LAMA3: variants seen among roughly 807,000 people sequenced by gnomAD.
The protein encoded by LAMA3 is laminin subunit alpha-3.
LAMA3 carries 281 observed loss-of-function variants against 402.0 expected under a neutral mutation model. The ratio of observed to expected loss-of-function variants is 0.70; its 90% CI spans 0.63 to 0.77. The LOEUF (loss-of-function observed/expected upper bound fraction) is 0.77, where lower values mean the gene tolerates loss of function less well. Among genes scored for constraint, LAMA3 ranks in the 30% least tolerant of loss-of-function variants. LAMA3 has a pLI of 0.00. For missense variants in LAMA3, 3,840 were observed against 4,215.5 expected (o/e 0.91, Z 2.47); for synonymous variants, 1,431 against 1,558.4 (o/e 0.92, Z 1.93).
At chr18:23,693,393 T>C (rs1402893748) in intron 1 of LAMA3, among the ~76,000 whole-genome samples, 1 of 152,242 alleles carries the variant, frequency 6.6e-6, no homozygotes, top group African/African-American at 2.4e-5. Flanking sequence ...TTACCTATAC[T>C]GTTGTTCTTT....
intron 2 of LAMA3, among the ~76,000 whole-genome samples, chr18:23,745,141 G>T (rs1381334864): frequency 6.6e-6 from 1 of 151,932 alleles, no homozygotes; most frequent in Non-Finnish European, 1.5e-5. Flanking sequence ...AAAGTATTAT[G>T]ATGTCTGTAA....
intron 2 of LAMA3, among the ~76,000 whole-genome samples, chr18:23,743,722 C>T (rs2061601641): frequency 6.6e-6 from 1 of 152,216 alleles, no homozygotes; most frequent in African/African-American, 2.4e-5. Context: ...CTTTGTTTCT[C>T]TACCTAAACA....
At chr18:23,944,962 A>G (rs765511487) in intron 69 of LAMA3, among the ~76,000 whole-genome samples, 9 of 152,202 alleles carry the variant, frequency 5.9e-5, no homozygotes, top group East Asian at 1.9e-4. Flanking sequence ...GTGAAACCCC[A>G]TCTTTACTAA....
At chr18:23,912,129 G>T in intron 55 of LAMA3, among the ~76,000 whole-genome samples, 1 of 121,000 alleles carries the variant, frequency 8.3e-6, no homozygotes. Context: ...AAAACATATA[G>T]ATATATATAG....
chr18:23,766,504 A>G (rs1279335769), intron 8 of LAMA3, among the ~76,000 whole-genome samples: 1 of 152,172 alleles, frequency 6.6e-6, no homozygotes, highest in Non-Finnish European at 1.5e-5. Context: ...AGAAATGAAG[A>G]GTATGGTATG....
chr18:23,773,544 C>A lies in LAMA3; in HGVS notation c.1230C>A (p.Tyr410Ter). The A allele has an allele frequency of 6.3e-7, 1 of 1,598,716 alleles. No homozygotes were observed. Among genetic ancestry groups the A allele is most frequent in the African/African-American group, 1.3e-5 (1 of 74,818 alleles). ...VNCEQCAKGY[Y>*]RPYGVPVDAP... ...GTGAACAGTGTGCTAAGGGCTATTACCGCCCTTATGGGGTTCCAGTGGATG... is the reference window on the plus strand; with the variant it reads ...GTGAACAGTGTGCTAAGGGCTATTAACGCCCTTATGGGGTTCCAGTGGATG... Residue 410 changes from tyrosine (Y) to a stop codon, truncating the protein, a stop_gained, in exon 9 of 75, where the codon TAC becomes TAA. Coordinates refer to ENST00000313654, the MANE Select transcript of LAMA3 (RefSeq NM_198129.4). LOFTEE classifies it high-confidence loss of function.
chr18:23,867,102 T>C (rs1030246769), intron 36 of LAMA3, among the ~76,000 whole-genome samples: 63 of 152,092 alleles, frequency 4.1e-4, no homozygotes, highest in Non-Finnish European at 2.1e-4. Context: ...AATTTTTCGC[T>C]CCACATGCCA....
Position 23,824,854 on chromosome 18 carries a change from C to T in LAMA3, c.2571+289C>T, listed in dbSNP as rs142630065. Reference sequence around the variant, plus strand: ...AGACTCTTAATTATCAGAACAAATGCGAAGCCTTCATGAGTATGTGGCTTC... The same window carrying T: ...AGACTCTTAATTATCAGAACAAATGTGAAGCCTTCATGAGTATGTGGCTTC... On this transcript the variant is annotated intron_variant, in intron 21 of 74. Transcript: ENST00000313654. Among the ~76,000 whole-genome samples, 327 of 152,274 alleles carry T rather than the reference C, an allele frequency of 2.1e-3. 4 individuals carry two copies. The highest frequency in any genetic ancestry group is 0.02 in the East Asian group (102 of 5,190).
rs868259178 is a variant in LAMA3, at chr18:23,813,558, T to C, written c.1788+455T>C. Among the ~76,000 whole-genome samples, 307 of 145,538 alleles carry C rather than the reference T, an allele frequency of 2.1e-3. 1 individual carries two copies. The highest frequency in any genetic ancestry group is 7.2e-3 in the African/African-American group (284 of 39,548). On this transcript the variant is annotated intron_variant, in intron 14 of 74. Transcript: ENST00000313654. ...CTTTTTCTTTTCTTTTCTTTCTTTT[T>C]TTTTTTTTTTTTTTTGCTCTTGTCG... is the stretch of plus-strand genomic sequence containing the variant.
Position 23,950,025 on chromosome 18 carries a change from A to T in LAMA3, c.9512-4A>T, listed in dbSNP as rs759302551. Reference sequence around the variant, plus strand: ...TAACTTTTGCTTTGTTTCTCTTTTGAAAGCTCACTCTGTATTGTTGGGGCC... The same window carrying T: ...TAACTTTTGCTTTGTTTCTCTTTTGTAAGCTCACTCTGTATTGTTGGGGCC... On this transcript the variant is annotated splice_region_variant and splice_polypyrimidine_tract_variant and intron_variant, in intron 71 of 74. Coordinates refer to ENST00000313654, the MANE Select transcript of LAMA3 (RefSeq NM_198129.4). 13 of 1,614,082 alleles carry T rather than the reference A, an allele frequency of 8.1e-6. No individual in the cohort carries two copies. In the African/African-American group the frequency reaches 1.3e-4, roughly 17 times the overall value.
At position 23,750,903 on chromosome 18, in the gene LAMA3, G is replaced by A. The variant is rs2061738436; in HGVS notation, c.685-15G>A. On this transcript the variant is annotated splice_polypyrimidine_tract_variant and intron_variant, in intron 4 of 74. Transcript: ENST00000313654. Reference sequence around the variant, plus strand: ...AGGAACTTTTTCCCCCTTTATGTGTGTGTGGTCATTTTAGGTTGTGGTGTC... The same window carrying A: ...AGGAACTTTTTCCCCCTTTATGTGTATGTGGTCATTTTAGGTTGTGGTGTC... 6.2e-7 allele frequency: 1 copy of A among 1,613,996 alleles called. No homozygotes were observed. Among genetic ancestry groups the A allele is most frequent in the African/African-American group, 1.3e-5 (1 of 74,914 alleles).
chr18:23,916,494 A>G (rs557606235), intron 59 of LAMA3, 57 bp from the exon 60 acceptor site: 2 of 1,587,186 alleles, frequency 1.3e-6, no homozygotes, highest in South Asian at 2.2e-5. Flanking sequence ...TAATAAGCAC[A>G]CTGGCATGGT....
intron 70 of LAMA3, among the ~76,000 whole-genome samples, chr18:23,948,299 A>G (rs1038172028): frequency 6.6e-6 from 1 of 152,182 alleles, no homozygotes; most frequent in Non-Finnish European, 1.5e-5. Flanking sequence ...ACCTGAGGGT[A>G]TAAACCATCT....
chr18:23,788,891 T>C (rs1378081733), intron 12 of LAMA3, among the ~76,000 whole-genome samples: 1 of 151,492 alleles, frequency 6.6e-6, no homozygotes, highest in African/African-American at 2.4e-5. Context: ...TAGTATCATA[T>C]ACACACATAT....
chr18:23,918,708 G>A lies in LAMA3; in HGVS notation c.7923+2013G>A, dbSNP rs974364084. On this transcript the variant is annotated intron_variant, in intron 60 of 74. Transcript: ENST00000313654. The surrounding 1 kb of genome is among the most constrained non-coding windows in gnomAD (Gnocchi z 4.1). ...TGGAGTTGAACCCTCCGGTGAATAG[G>A]AGCTTCTGTAGTTGCTCTCACGGAG... Among the ~76,000 whole-genome samples, 1 of 152,192 alleles carries A rather than the reference G, an allele frequency of 6.6e-6. No individual in the cohort carries two copies. The highest frequency in any genetic ancestry group is 6.5e-5 in the Admixed American group (1 of 15,282).
rs201562549 is a variant in LAMA3 at position 23,714,081 on chromosome 18, C to T, written c.447+9C>T. ...CCTTGGATCTGGGGCAGGTGAGCTA[C>T]ACTTTTAACTGGAATGGGAACATGA... On this transcript the variant is annotated intron_variant, in intron 2 of 74. Transcript: ENST00000313654. 1,680 of 1,611,936 alleles carry T rather than the reference C, an allele frequency of 1.0e-3. 2 individuals are homozygous for T. Among genetic ancestry groups the T allele is most frequent in the Non-Finnish European group, 1.3e-3 (1,555 of 1,178,340 alleles).
intron 2 of LAMA3, among the ~76,000 whole-genome samples, chr18:23,715,258 T>G (rs1313187069): frequency 6.6e-6 from 1 of 151,556 alleles, no homozygotes; most frequent in Non-Finnish European, 1.5e-5. Context: ...AACAGTATGG[T>G]ATGTGAATTG....
intron 1 of LAMA3, among the ~76,000 whole-genome samples, chr18:23,692,026 T>C (rs116363465): frequency 5.3e-4 from 80 of 152,348 alleles, no homozygotes; most frequent in African/African-American, 1.8e-3. Context: ...TAAAAAATTA[T>C]TTTAAATATC....
intron 38 of LAMA3, among the ~76,000 whole-genome samples, chr18:23,875,438 T>C (rs1008607059): frequency 1.3e-5 from 2 of 152,068 alleles, no homozygotes; most frequent in Non-Finnish European, 2.9e-5. Flanking sequence ...CAAATCAAGA[T>C]TGAACAAGGA....
Sources: gnomAD v4.1 joint callset for allele counts (sites outside exome capture counted in the v4.1 genomes callset) on GRCh38, gnomAD v4.1.1 for gene constraint, Gnocchi (gnomAD v3.1) non-coding constraint, MANE v1.5 for transcripts, NCBI Gene and HGNC (gene_info 2026-07-23, HGNC 2026-07-21) for gene names.